The following HLF variants were observed in gnomAD, a reference collection of about 807,000 sequenced individuals.
HLF encodes the protein HLF transcription factor, PAR bZIP family member, also known as hepatic leukemia factor.
HLF carries 3 observed loss-of-function variants against 22.6 expected under a neutral mutation model. The ratio of observed to expected loss-of-function variants is 0.13; its 90% CI spans 0.06 to 0.34. The LOEUF is 0.34. Ranked by LOEUF, HLF falls within the 10% of genes least tolerant of loss-of-function variation. The pLI is 1.00. For missense variants in HLF, 299 were observed against 389.2 expected, an observed-to-expected ratio of 0.77 and a Z score of 1.95; for synonymous variants, 151 against 151.8, an observed-to-expected ratio of 0.99 and a Z score of 0.04.
At position 55,322,654 on chromosome 17, in the gene HLF, A is replaced by G. The variant is rs1905301036; in HGVS notation, c.*1775A>G. 1 of 216,542 alleles carries G rather than the reference A, an allele frequency of 4.6e-6. No individual in the cohort carries two copies. Among genetic ancestry groups the G allele is most frequent in the South Asian group, 1.9e-4 (1 of 5,386 alleles). 13.4% of individuals were successfully genotyped at this position (216,542 alleles called of 1,614,324 possible). On this transcript the variant is annotated 3_prime_UTR_variant, in exon 4 of 4. Transcript: ENST00000226067. ...CCTCAGAAAGAAGTCAGTTAACGTC[A>G]CCCAAAAGCACAAAATGGATTTTAG...
At chr17:55,292,364 T>G (rs1158770762) in intron 2 of HLF, among the ~76,000 whole-genome samples, 1 of 152,204 alleles carries the variant, frequency 6.6e-6, no homozygotes, top group East Asian at 1.9e-4. Context: ...GATCGATTAG[T>G]AGCCACCAAC....
chr17:55,306,988 T>C (rs897665693), intron 2 of HLF, among the ~76,000 whole-genome samples: 2 of 151,744 alleles, frequency 1.3e-5, no homozygotes, highest in Non-Finnish European at 2.9e-5. Flanking sequence ...CTCAGCTAGG[T>C]TGGTTTATCA....
intron 2 of HLF, among the ~76,000 whole-genome samples, chr17:55,313,000 G>A (rs1052354029): frequency 4.6e-5 from 7 of 152,212 alleles, no homozygotes; most frequent in Admixed American, 1.3e-4. Context: ...GGGGAGAAAC[G>A]GGACCTGGTT....
intron 2 of HLF, among the ~76,000 whole-genome samples, chr17:55,270,704 A>G (rs1598386352): frequency 7.7e-6 from 1 of 129,952 alleles, no homozygotes; most frequent in South Asian, 2.3e-4. Context: ...TCTGTCGCCC[A>G]GGCTGGAGTG....
In HLF at chr17:55,324,925, C is replaced by T. The variant is rs371674031; in HGVS notation, c.*4046C>T. 8.7e-6 allele frequency: 2 copies of T among 231,186 alleles called. No individual in the cohort carries two copies. Among genetic ancestry groups the T allele is most frequent in the African/African-American group, 2.2e-5 (1 of 45,170 alleles). 14.3% of individuals were successfully genotyped at this position (231,186 alleles called of 1,614,324 possible). ...ATCCTTTTGGCAACACCACAAAGATCGCATCTGTTAAACAGGTACAAGTTG... is the reference window on the plus strand; with the variant it reads ...ATCCTTTTGGCAACACCACAAAGATTGCATCTGTTAAACAGGTACAAGTTG... On this transcript the variant is annotated 3_prime_UTR_variant, in exon 4 of 4. Coordinates refer to ENST00000226067, the MANE Select transcript of HLF (RefSeq NM_002126.5).
chr17:55,270,824 A>G (rs2080847364), intron 2 of HLF, among the ~76,000 whole-genome samples: 1 of 151,776 alleles, frequency 6.6e-6, no homozygotes, highest in African/African-American at 2.4e-5. Context: ...TTGTATTTTT[A>G]GTAGAGACGG....
intron 2 of HLF, among the ~76,000 whole-genome samples, chr17:55,303,766 G>A (rs1212800226): frequency 6.6e-6 from 1 of 152,130 alleles, no homozygotes; most frequent in Non-Finnish European, 1.5e-5. Flanking sequence ...CTCATGGATG[G>A]TTTGTGCAAA....
At position 55,322,376 on chromosome 17, in the gene HLF, CAT is replaced by C. The variant is rs1208346000; in HGVS notation, c.*1502_*1503del. 5.2e-6 allele frequency: 1 copy of C among 191,338 alleles called. No individual in the cohort carries two copies. The highest frequency in any genetic ancestry group is 2.3e-5 in the African/African-American group (1 of 42,986). The allele number at this position is 191,338 out of a possible 1,614,324, so 11.9% of individuals were successfully genotyped here. On this transcript the variant is annotated 3_prime_UTR_variant, in exon 4 of 4. Coordinates refer to ENST00000226067, the MANE Select transcript of HLF (RefSeq NM_002126.5). ...AATACTGACAATGTATTTTGGAAGA[CAT>C]ATATTATATATAGAAAAGAGGAGAG...
intron 1 of HLF, chr17:55,266,010 G>A: frequency 4.6e-6 from 1 of 217,608 alleles, no homozygotes; most frequent in Non-Finnish European, 8.0e-6. Context: ...GCAGGGGGCG[G>A]GGGTCGGCTT....
At chr17:55,270,098 G>T (rs2080838402) in intron 2 of HLF, among the ~76,000 whole-genome samples, 1 of 152,180 alleles carries the variant, frequency 6.6e-6, no homozygotes, top group Non-Finnish European at 1.5e-5. Context: ...ACTCTCAGAA[G>T]GCTTGGAATG....
At chr17:55,317,174 C>T (rs574450308) in intron 3 of HLF, among the ~76,000 whole-genome samples, 8 of 151,728 alleles carry the variant, frequency 5.3e-5, no homozygotes, top group East Asian at 1.9e-4. Flanking sequence ...TCACCGTGTT[C>T]GCCAGGATGG....
intron 2 of HLF, among the ~76,000 whole-genome samples, chr17:55,302,267 T>C (rs1380367205): frequency 6.6e-6 from 1 of 152,174 alleles, no homozygotes; most frequent in Admixed American, 6.5e-5. Context: ...TAGGACTCTG[T>C]GAACGTTAGT....
chr17:55,265,828 G>C, intron 1 of HLF: 1 of 1,282,928 alleles, frequency 7.8e-7, no homozygotes, highest in Non-Finnish European at 9.8e-7. Flanking sequence ...AAGAGCTTCG[G>C]GCACCCGGCC....
At chr17:55,314,313 A>T (rs1164721196) in intron 2 of HLF, among the ~76,000 whole-genome samples, 5 of 152,130 alleles carry the variant, frequency 3.3e-5, no homozygotes, top group Non-Finnish European at 7.3e-5. Context: ...GTTCTTTCTA[A>T]TTTGTTAAAT....
intron 3 of HLF, among the ~76,000 whole-genome samples, chr17:55,317,935 A>G (rs570740963): frequency 2.4e-4 from 36 of 152,340 alleles, no homozygotes; most frequent in African/African-American, 8.4e-4. Flanking sequence ...TTAATGGTCC[A>G]TTCATTCACT....
chr17:55,323,094 A>T lies in HLF; in HGVS notation c.*2215A>T, dbSNP rs181431390. 1 of 219,794 alleles carries T rather than the reference A, an allele frequency of 4.5e-6. No homozygotes were observed. Among genetic ancestry groups the T allele is most frequent in the Non-Finnish European group, 9.1e-6 (1 of 109,640 alleles). 13.6% of individuals were successfully genotyped at this position (219,794 alleles called of 1,614,324 possible). On this transcript the variant is annotated 3_prime_UTR_variant, in exon 4 of 4. Transcript: ENST00000226067. ...TCTCATAGTGTCATAGACTTGGGAA[A>T]CCCAACCAGTAGGATATTTCTACAA...
intron 2 of HLF, among the ~76,000 whole-genome samples, chr17:55,293,907 C>A (rs2081088834): frequency 6.6e-6 from 1 of 152,188 alleles, no homozygotes; most frequent in South Asian, 2.1e-4. Context: ...AAAGGAGCAA[C>A]ATATGCACCT....
At chr17:55,304,408 T>C (rs1350144898) in intron 2 of HLF, among the ~76,000 whole-genome samples, 1 of 152,200 alleles carries the variant, frequency 6.6e-6, no homozygotes. Context: ...TCATGTCTGT[T>C]GTACCCCAAC....
At chr17:55,279,930 G>A (rs1312883342) in intron 2 of HLF, among the ~76,000 whole-genome samples, 3 of 151,634 alleles carry the variant, frequency 2.0e-5, no homozygotes, top group African/African-American at 7.3e-5. Flanking sequence ...CCTGCCACCA[G>A]AGAGGATGTC....
Sources: allele counts gnomAD v4.1 joint callset (sites outside exome capture counted in the v4.1 genomes callset), GRCh38; gene constraint gnomAD v4.1.1; transcripts MANE v1.5; gene names NCBI Gene and HGNC (gene_info 2026-07-23, HGNC 2026-07-21).